The following USP13 variants were observed in gnomAD, a reference collection of about 807,000 sequenced individuals.
The protein encoded by USP13 is ubiquitin carboxyl-terminal hydrolase 13.
USP13 carries 68 observed loss-of-function variants against 107.8 expected under a neutral mutation model. The ratio of observed to expected loss-of-function variants is 0.63; its 90% CI spans 0.52 to 0.77. The LOEUF (loss-of-function observed/expected upper bound fraction) is 0.77, where lower values mean the gene tolerates loss of function less well. Among genes scored for constraint, USP13 ranks in the 30% least tolerant of loss-of-function variants. The pLI is 0.00. For synonymous variants in USP13, 377 were observed against 389.5 expected (o/e 0.97, Z 0.38); for missense variants, 945 against 1,093.3 (o/e 0.86, Z 1.91).
At chr3:179,725,461 G>A (rs1451550733) in intron 8 of USP13, among the ~76,000 whole-genome samples, 2 of 152,172 alleles carry the variant, frequency 1.3e-5, no homozygotes, top group Non-Finnish European at 2.9e-5. Context: ...TCCTTTGAAT[G>A]GGACTGGCCC....
chr3:179,752,405 C>G (rs1714645098), intron 14 of USP13, 32 bp downstream of exon 14: 25 of 1,523,968 alleles, frequency 1.6e-5, no homozygotes, highest in Non-Finnish European at 2.3e-5. Flanking sequence ...TTGCTTAAAA[C>G]ATCAAATGAG....
At chr3:179,720,089 CG>C in intron 7 of USP13, 55 bp downstream of exon 7, 1 of 1,354,184 alleles carries the variant, frequency 7.4e-7, no homozygotes, top group South Asian at 1.4e-5. Flanking sequence ...GGTGGGGAGA[CG>C]GCAAGGGAAC....
intron 18 of USP13, 69 bp from the exon 19 acceptor site, chr3:179,765,626 A>G (rs1306018874): frequency 3.2e-6 from 5 of 1,543,128 alleles, no homozygotes; most frequent in Admixed American, 1.9e-5. Flanking sequence ...TCTAGTTGAA[A>G]TGGTCAGGAC....
chr3:179,761,348 C>T, intron 17 of USP13, 93 bp downstream of exon 17: 1 of 1,478,410 alleles, frequency 6.8e-7, no homozygotes, highest in Non-Finnish European at 9.1e-7. Flanking sequence ...TGGATGTATC[C>T]CTAGAAAATG....
chr3:179,741,978 G>A (rs1714216549), intron 11 of USP13, among the ~76,000 whole-genome samples: 1 of 151,764 alleles, frequency 6.6e-6, no homozygotes, highest in Non-Finnish European at 1.5e-5. Context: ...TATTGAAATA[G>A]TAATCCATGA....
intron 14 of USP13, among the ~76,000 whole-genome samples, chr3:179,753,754 G>T (rs1029133283): frequency 3.3e-5 from 5 of 152,026 alleles, no homozygotes; most frequent in African/African-American, 1.2e-4. Flanking sequence ...AACTGATTTT[G>T]GGGACAGTAT....
intron 5 of USP13, among the ~76,000 whole-genome samples, chr3:179,707,791 G>A (rs1712776493): frequency 6.6e-6 from 1 of 152,202 alleles, no homozygotes; most frequent in Admixed American, 6.5e-5. Context: ...AGATGGATTA[G>A]GAATGTGTCT....
At chr3:179,733,385 G>C (rs546054354) in intron 10 of USP13, among the ~76,000 whole-genome samples, 1 of 152,184 alleles carries the variant, frequency 6.6e-6, no homozygotes, top group East Asian at 1.9e-4. Context: ...TGGCCCTGGG[G>C]GTGTCCGTTT....
At chr3:179,711,933 C>T (rs1441997840) in intron 6 of USP13, among the ~76,000 whole-genome samples, 8 of 152,048 alleles carry the variant, frequency 5.3e-5, no homozygotes, top group Non-Finnish European at 7.4e-5. Context: ...TGACTGGCAG[C>T]GCAATAGGTT....
chr3:179,757,768 T>C (rs1714856639), intron 16 of USP13, among the ~76,000 whole-genome samples: 2 of 152,364 alleles, frequency 1.3e-5, no homozygotes, highest in Middle Eastern at 6.8e-3. Flanking sequence ...TGCGAATGAT[T>C]GATCATGTAG....
chr3:179,759,518 C>T lies in USP13; in HGVS notation c.1949-1594C>T, dbSNP rs960596642. On this transcript the variant is annotated intron_variant, in intron 16 of 20. Transcript: ENST00000263966. ...GTAGGTTTAAAAACTTATCTGATCACAGAAACTCCGTTTTTGATTCAATGG... is the reference window on the plus strand; with the variant it reads ...GTAGGTTTAAAAACTTATCTGATCATAGAAACTCCGTTTTTGATTCAATGG... Among the ~76,000 whole-genome samples, 31 of 152,178 alleles carry T rather than the reference C, an allele frequency of 2.0e-4. 1 individual carries two copies. The highest frequency in any genetic ancestry group is 2.4e-4 in the Non-Finnish European group (16 of 68,028).
rs569528329 is a variant in USP13 at position 179,653,179 on chromosome 3, G to C, written c.-47G>C. On this transcript the variant is annotated 5_prime_UTR_variant, in exon 1 of 21. Transcript: ENST00000263966. This position sits in a 1 kb window ranked among gnomAD's most constrained non-coding sequence, Gnocchi z 4.0. ...CGCCGCCGCCGCCGGCAGACCCCGC[G>C]CTCCGGCTCCGGCTCGGCTCGCTCG... 248 of 1,179,396 alleles carry C rather than the reference G, an allele frequency of 2.1e-4. 4 individuals are homozygous for C. The South Asian group carries it at 9.1e-3, about 43-fold the overall frequency. 73.1% of individuals were successfully genotyped at this position (1,179,396 alleles called of 1,614,324 possible).
At chr3:179,766,892 T>C (rs1277448582) in intron 19 of USP13, among the ~76,000 whole-genome samples, 1 of 152,158 alleles carries the variant, frequency 6.6e-6, no homozygotes, top group Non-Finnish European at 1.5e-5. Flanking sequence ...CAGCACCTCC[T>C]CCAGTCAGAT....
chr3:179,711,073 A>T (rs892593929), intron 6 of USP13, among the ~76,000 whole-genome samples: 3 of 152,228 alleles, frequency 2.0e-5, no homozygotes, highest in African/African-American at 7.2e-5. Context: ...CACTAAACTT[A>T]TGAAAACATT....
chr3:179,745,269 T>C, intron 13 of USP13, 52 bp downstream of exon 13: 1 of 1,048,198 alleles, frequency 9.5e-7, no homozygotes, highest in Non-Finnish European at 1.3e-6. Flanking sequence ...CCTTGAGGGG[T>C]GGGGACAGGG....
At chr3:179,754,711 A>G (rs1303161354) in intron 14 of USP13, 21 bp from the exon 15 acceptor site, 3 of 1,610,186 alleles carry the variant, frequency 1.9e-6, no homozygotes, top group Admixed American at 1.7e-5. Context: ...CCCAGTGGAT[A>G]TAATCTCTCT....
rs1715967825 is a variant in USP13 at position 179,788,276 on chromosome 3, TAAAAG to T, written c.*4139_*4143del. ...ATAAAGTGTGATAATGTCCTTTAGA[TAAAAG>T]AAATCCTACGCTATAGAACAAGGTT... On this transcript the variant is annotated 3_prime_UTR_variant, in exon 21 of 21. Transcript: ENST00000263966. 1 of 152,210 alleles carries T rather than the reference TAAAAG, an allele frequency of 6.6e-6. No homozygotes were observed. Among genetic ancestry groups the T allele is most frequent in the Non-Finnish European group, 1.5e-5 (1 of 68,032 alleles). 9.4% of individuals were successfully genotyped at this position (152,210 alleles called of 1,614,324 possible).
intron 15 of USP13, among the ~76,000 whole-genome samples, chr3:179,756,056 G>A (rs1194109180): frequency 6.6e-6 from 1 of 152,194 alleles, no homozygotes; most frequent in East Asian, 1.9e-4. Context: ...ATACAAGATG[G>A]TTTATTAGTA....
chr3:179,752,473 C>G (rs1210073382), intron 14 of USP13, 100 bp downstream of exon 14: 2 of 827,788 alleles, frequency 2.4e-6, no homozygotes, highest in Admixed American at 1.9e-5. Flanking sequence ...ACAAACAGTT[C>G]CATTTCATTC....
Sources: allele counts gnomAD v4.1 joint callset (sites outside exome capture counted in the v4.1 genomes callset), GRCh38; gene constraint gnomAD v4.1.1; non-coding constraint Gnocchi (gnomAD v3.1); transcripts MANE v1.5; gene names NCBI Gene and HGNC (gene_info 2026-07-23, HGNC 2026-07-21).